CLUL1: variants seen among roughly 807,000 people sequenced by gnomAD.
CLUL1 encodes the protein clusterin like 1.
CLUL1 carries 43 observed loss-of-function variants against 49.4 expected under a neutral mutation model. The observed-to-expected ratio is 0.87, with a 90% CI of 0.68 to 1.12. The LOEUF is 1.12. Ranked by LOEUF, CLUL1 falls within the 50% of genes most tolerant of loss-of-function variation. The pLI is 0.00. For synonymous variants in CLUL1, 192 were observed against 184.9 expected (o/e 1.04, Z -0.31); for missense variants, 486 against 544.4 (o/e 0.89, Z 1.07).
At position 627,190 on chromosome 18, in the gene CLUL1, G is replaced by A. The variant is rs146434876; in HGVS notation, c.517G>A (p.Glu173Lys). 1,617 of 1,613,444 alleles carry A rather than the reference G, an allele frequency of 1.0e-3. 7 individuals carry two copies. The African/African-American group carries it at 0.017, about 17-fold the overall frequency. The change falls in exon 6 of 10, where the codon GAA (glutamate) becomes AAA (lysine). Residue 173 changes from glutamate (E) to lysine (K), a missense_variant. Transcript: ENST00000692774. Reference sequence around the variant, plus strand: ...CCCCATCAGTGAAAAGCTCATTGAGGAAGATGCACAATTGACCCAAATGGA... The same window carrying A: ...CCCCATCAGTGAAAAGCTCATTGAGAAAGATGCACAATTGACCCAAATGGA... ...DLPISEKLIE[E>K]DAQLTQMEDV...
intron 4 of CLUL1, among the ~76,000 whole-genome samples, chr18:620,166 G>A (rs1009514167): frequency 3.9e-5 from 6 of 152,106 alleles, no homozygotes; most frequent in African/African-American, 1.4e-4. Flanking sequence ...CATCATTAGC[G>A]AGTGTGGATA....
intron 5 of CLUL1, among the ~76,000 whole-genome samples, chr18:626,862 A>AAGAAAG (rs1227229581): frequency 1.0e-5 from 1 of 95,436 alleles, no homozygotes; most frequent in Admixed American, 1.7e-4. Flanking sequence ...CTCCATCTCA[A>AAGAAAG]ATAAGAAAGA....
intron 1 of CLUL1, chr18:597,738 A>G (rs1006363512): frequency 5.3e-5 from 8 of 152,196 alleles, no homozygotes; most frequent in East Asian, 1.9e-4. Flanking sequence ...CCCAAGCAGA[A>G]AAAGAATCAC....
intron 9 of CLUL1, among the ~76,000 whole-genome samples, chr18:645,728 A>T (rs1450022822): frequency 7.1e-6 from 1 of 141,624 alleles, no homozygotes; most frequent in Non-Finnish European, 1.5e-5. Context: ...CGGGAGGCAG[A>T]GCTTGCAGTG....
intron 4 of CLUL1, among the ~76,000 whole-genome samples, chr18:624,343 A>G (rs1567964435): frequency 6.6e-6 from 1 of 152,154 alleles, no homozygotes; most frequent in African/African-American, 2.4e-5. Flanking sequence ...GGCAATTACA[A>G]TGTAACTCAA....
chr18:618,250 T>G lies in CLUL1; in HGVS notation c.106+144T>G, dbSNP rs990932731. ...TCAAGGCGCTTAAACCAGGTCATCC[T>G]GACGCCAAACATCTGGGTAAAAATA... On this transcript the variant is annotated intron_variant, in intron 3 of 9. Coordinates refer to ENST00000692774, the MANE Select transcript of CLUL1 (RefSeq NM_001393344.1). This position sits in a 1 kb window ranked among gnomAD's most constrained non-coding sequence, Gnocchi z 4.2. 4.2e-5 allele frequency: 26 copies of G among 617,632 alleles called. No individual in the cohort carries two copies. Among genetic ancestry groups the G allele is most frequent in the Non-Finnish European group, 7.1e-5 (25 of 352,522 alleles). 38.3% of individuals were successfully genotyped at this position (617,632 alleles called of 1,614,324 possible). A position where few individuals can be genotyped will look rare whatever the true frequency, so the allele number is the denominator to read the frequency against.
At chr18:615,279 A>T (rs796599351) in intron 2 of CLUL1, among the ~76,000 whole-genome samples, 1 of 152,210 alleles carries the variant, frequency 6.6e-6, no homozygotes, top group Non-Finnish European at 1.5e-5. Flanking sequence ...AAGCTTCGAG[A>T]TATTTTCAAA....
chr18:602,628 GA>G lies in CLUL1; in HGVS notation c.-135-4346del, dbSNP rs571310598. Among the ~76,000 whole-genome samples, 8 of 152,232 alleles carry G rather than the reference GA, an allele frequency of 5.3e-5. No homozygotes were observed. The East Asian group carries it at 1.3e-3, about 26-fold the overall frequency. ...TCCTGTGTAGACCCTGATTCAATAGGAAAATAAATTATTGAAATAGAGGAAG... is the reference window on the plus strand; with the variant it reads ...TCCTGTGTAGACCCTGATTCAATAGGAAATAAATTATTGAAATAGAGGAAG... On this transcript the variant is annotated intron_variant, in intron 1 of 9. Coordinates refer to ENST00000692774, the MANE Select transcript of CLUL1 (RefSeq NM_001393344.1).
At chr18:602,032 G>T (rs1366560782) in intron 1 of CLUL1, among the ~76,000 whole-genome samples, 1 of 151,936 alleles carries the variant, frequency 6.6e-6, no homozygotes, top group Non-Finnish European at 1.5e-5. Context: ...ACCAGCTTGG[G>T]CAACAAAGCG....
chr18:598,391 C>T (rs2072719152), intron 1 of CLUL1: 2 of 393,280 alleles, frequency 5.1e-6, no homozygotes, highest in Admixed American at 4.4e-5. Flanking sequence ...TCTTCCTCTC[C>T]AGTGTAAAGG....
intron 2 of CLUL1, among the ~76,000 whole-genome samples, chr18:616,960 G>T (rs2073308679): frequency 6.6e-6 from 1 of 152,136 alleles, no homozygotes; most frequent in South Asian, 2.1e-4. Flanking sequence ...TTTTAAAATA[G>T]TAAATATACG....
At chr18:630,043 T>C (rs1016522171) in intron 6 of CLUL1, among the ~76,000 whole-genome samples, 2 of 152,162 alleles carry the variant, frequency 1.3e-5, no homozygotes, top group Admixed American at 6.5e-5. Flanking sequence ...TGTGAATTTA[T>C]GTTATGTGGC....
At chr18:619,500 A>G in intron 4 of CLUL1, 139 bp downstream of exon 4, 3 of 830,764 alleles carry the variant, frequency 3.6e-6, no homozygotes, top group Non-Finnish European at 5.4e-6. Flanking sequence ...GGAAAAGTTT[A>G]AGGGAAGCTT....
chr18:626,824 G>A (rs1245897471), intron 5 of CLUL1, among the ~76,000 whole-genome samples: 1 of 144,350 alleles, frequency 6.9e-6, no homozygotes, highest in Admixed American at 7.5e-5. Context: ...TGGTGCCATT[G>A]CACTCCAGCC....
intron 1 of CLUL1, 116 bp downstream of exon 1, chr18:597,245 C>T (rs1185696493): frequency 6.5e-6 from 1 of 152,700 alleles, no homozygotes; most frequent in Non-Finnish European, 1.5e-5. Context: ...CGCCCGGCCC[C>T]TCCGGCGCGG....
At chr18:646,355 A>G (rs1389536708) in intron 9 of CLUL1, among the ~76,000 whole-genome samples, 3 of 149,204 alleles carry the variant, frequency 2.0e-5, no homozygotes, top group Non-Finnish European at 4.4e-5. Context: ...TTCTAGTTGT[A>G]TCAGTCAGCC....
chr18:602,713 G>A (rs1298025234), intron 1 of CLUL1, among the ~76,000 whole-genome samples: 6 of 152,154 alleles, frequency 3.9e-5, no homozygotes, highest in Non-Finnish European at 7.3e-5. Context: ...GCGCATTTTC[G>A]CACCATCAAG....
chr18:649,712 ATTG>A (rs2074621060), intron 9 of CLUL1, 183 bp from the exon 10 acceptor site: 1 of 510,348 alleles, frequency 2.0e-6, no homozygotes, highest in Non-Finnish European at 3.5e-6. Context: ...ATTTCTTCAA[ATTG>A]TTAAGAATAT....
intron 2 of CLUL1, chr18:613,340 T>C (rs1479169573): frequency 3.2e-6 from 1 of 310,194 alleles, no homozygotes; most frequent in Admixed American, 5.0e-5. Context: ...GCTTTCACCA[T>C]GTTGGCCAGG....
Sources: gnomAD v4.1 joint callset for allele counts (sites outside exome capture counted in the v4.1 genomes callset) on GRCh38, gnomAD v4.1.1 for gene constraint, Gnocchi (gnomAD v3.1) non-coding constraint, MANE v1.5 for transcripts, NCBI Gene and HGNC (gene_info 2026-07-23, HGNC 2026-07-21) for gene names.